Variants in KCNH1 observed in about 807,000 individuals in gnomAD.
KCNH1 encodes the protein voltage-gated delayed rectifier potassium channel KCNH1.
A neutral mutation model predicts 69.2 loss-of-function variants in KCNH1; 27 were observed. That is an observed-to-expected ratio of 0.39 (90% confidence interval 0.29 to 0.54). KCNH1 has a LOEUF of 0.54. KCNH1 is among the 20% of genes least tolerant of loss of function. The pLI is 0.68. For missense variants in KCNH1, 798 were observed against 1,261.6 expected (o/e 0.63, Z 5.57); for synonymous variants, 456 against 487.7 (o/e 0.93, Z 0.86).
rs569270242 is a variant in KCNH1 at position 210,846,124 on chromosome 1, G to C, written c.1463-41958C>G. On this transcript the variant is annotated intron_variant, in intron 7 of 10. Coordinates refer to ENST00000271751, the MANE Select transcript of KCNH1 (RefSeq NM_172362.3). Reference sequence around the variant, plus strand: ...AACATTCCATGCTCATGTGTAGGAAGAATCAATATCATGAAAATGGCCGTA... The same window carrying C: ...AACATTCCATGCTCATGTGTAGGAACAATCAATATCATGAAAATGGCCGTA... Among the ~76,000 whole-genome samples, 5 of 152,286 alleles carry C rather than the reference G, an allele frequency of 3.3e-5. No homozygotes were observed. The South Asian group carries it at 1.0e-3, about 32-fold the overall frequency.
chr1:210,898,097 A>C (rs545631198), intron 7 of KCNH1, among the ~76,000 whole-genome samples: 1 of 152,318 alleles, frequency 6.6e-6, no homozygotes, highest in South Asian at 2.1e-4. Flanking sequence ...ATTATATTGA[A>C]AAATACTCAA....
At chr1:211,130,514 T>C (rs1374873775) in intron 1 of KCNH1, among the ~76,000 whole-genome samples, 2 of 152,216 alleles carry the variant, frequency 1.3e-5, no homozygotes, top group Non-Finnish European at 2.9e-5. Flanking sequence ...TGTTTACCAC[T>C]GTATCCTCAG....
intron 3 of KCNH1, among the ~76,000 whole-genome samples, chr1:211,097,310 C>T (rs971271370): frequency 2.6e-5 from 4 of 151,164 alleles, no homozygotes; most frequent in African/African-American, 7.3e-5. Context: ...TATAAAGTTA[C>T]CAAAAGGAAA....
intron 6 of KCNH1, among the ~76,000 whole-genome samples, chr1:210,973,959 T>C (rs1451647174): frequency 6.6e-6 from 1 of 152,180 alleles, no homozygotes; most frequent in African/African-American, 2.4e-5. Flanking sequence ...GTATTTTTCT[T>C]GCCATCTATT....
At chr1:210,777,776 T>C (rs1273865561) in intron 9 of KCNH1, among the ~76,000 whole-genome samples, 1 of 152,198 alleles carries the variant, frequency 6.6e-6, no homozygotes, top group African/African-American at 2.4e-5. Flanking sequence ...CATCCATTCT[T>C]TTCCATACGG....
intron 6 of KCNH1, among the ~76,000 whole-genome samples, chr1:210,952,935 T>G (rs1013936097): frequency 6.6e-6 from 1 of 152,218 alleles, no homozygotes; most frequent in African/African-American, 2.4e-5. Context: ...AGGTTTTTAT[T>G]TGGTTGGTTA....
intron 9 of KCNH1, among the ~76,000 whole-genome samples, chr1:210,785,435 C>T (rs886601203): frequency 6.6e-6 from 1 of 150,868 alleles, no homozygotes; most frequent in African/African-American, 2.4e-5. Context: ...AGCTCTGTCA[C>T]CCAGGCTGGA....
intron 10 of KCNH1, among the ~76,000 whole-genome samples, chr1:210,767,993 T>C (rs573375443): frequency 1.3e-5 from 2 of 152,320 alleles, no homozygotes; most frequent in South Asian, 4.1e-4. Context: ...AACAGAGCCA[T>C]TCTTCACCAA....
At chr1:210,859,591 T>A (rs1574301067) in intron 7 of KCNH1, 7 of 1,514,898 alleles carry the variant, frequency 4.6e-6, no homozygotes, top group Non-Finnish European at 5.5e-6. Context: ...ACTCCCCAGT[T>A]CCTCGGTTTC....
chr1:210,845,986 C>T (rs529071485), intron 7 of KCNH1, among the ~76,000 whole-genome samples: 165 of 152,228 alleles, frequency 1.1e-3, no homozygotes, highest in African/African-American at 3.9e-3. Context: ...ACAATTGCTT[C>T]AAAGAGAATA....
At chr1:211,114,906 C>T (rs1190093705) in intron 1 of KCNH1, among the ~76,000 whole-genome samples, 1 of 152,068 alleles carries the variant, frequency 6.6e-6, no homozygotes, top group Non-Finnish European at 1.5e-5. Context: ...TGTTCATGTA[C>T]TGGAAGAATT....
intron 6 of KCNH1, among the ~76,000 whole-genome samples, chr1:210,949,174 G>T (rs1218676344): frequency 6.6e-6 from 1 of 152,082 alleles, no homozygotes; most frequent in African/African-American, 2.4e-5. Flanking sequence ...ACTCCCCAAG[G>T]ACTGCCAGAG....
rs1687404982 is a variant in KCNH1 at position 210,919,027 on chromosome 1, GTAGGACA to G, written c.1462+606_1462+612del. ...GCTACAGCTATGTTCAAATTGACAT[GTAGGACA>G]TGTAGCATGACGGCTATAGTTAATA... On this transcript the variant is annotated intron_variant, in intron 7 of 10. Coordinates refer to ENST00000271751, the MANE Select transcript of KCNH1 (RefSeq NM_172362.3). The surrounding 1 kb of genome is among the most constrained non-coding windows in gnomAD (Gnocchi z 4.2). The G allele has an allele frequency of 6.1e-5, 3 of 49,500 alleles. No homozygotes were observed. Among genetic ancestry groups the G allele is most frequent in the African/African-American group, 1.0e-4 (1 of 9,644 alleles). The allele number at this position is 49,500 out of a possible 1,614,324, so 3.1% of individuals were successfully genotyped here.
chr1:211,060,400 CAAAAAAA>C (rs60620622), intron 5 of KCNH1, among the ~76,000 whole-genome samples: 46 of 44,320 alleles, frequency 1.0e-3, no homozygotes, highest in African/African-American at 4.7e-3. Flanking sequence ...GACTCCGTCT[CAAAAAAA>C]AAAAAAAAAA....
At chr1:211,037,756 T>C (rs1689923888) in intron 5 of KCNH1, among the ~76,000 whole-genome samples, 1 of 152,074 alleles carries the variant, frequency 6.6e-6, no homozygotes, top group Admixed American at 6.5e-5. Context: ...AGCAAGACCA[T>C]ACCTTGTGAT....
At chr1:210,982,117 T>C (rs984457661) in intron 6 of KCNH1, among the ~76,000 whole-genome samples, 6 of 152,080 alleles carry the variant, frequency 3.9e-5, no homozygotes, top group Non-Finnish European at 8.8e-5. Flanking sequence ...AAAAAGTCAA[T>C]TGCTCCTGAC....
chr1:210,869,500 TG>T (rs1686190196), intron 7 of KCNH1, among the ~76,000 whole-genome samples: 1 of 143,574 alleles, frequency 7.0e-6, no homozygotes, highest in African/African-American at 2.9e-5. Context: ...TGTGTGTGTG[TG>T]TGTGTGTGTG....
intron 5 of KCNH1, among the ~76,000 whole-genome samples, chr1:211,037,514 T>A (rs1419464438): frequency 1.6e-5 from 2 of 123,300 alleles, no homozygotes; most frequent in African/African-American, 6.3e-5. Context: ...TTTTTTTTTT[T>A]ACTGTACACA....
At position 211,088,571 on chromosome 1, in the gene KCNH1, G is replaced by C. The variant is rs1035260083; in HGVS notation, c.439+1991C>G. Among the ~76,000 whole-genome samples, 6 of 152,356 alleles carry C rather than the reference G, an allele frequency of 3.9e-5. No individual in the cohort carries two copies. The East Asian group carries it at 1.2e-3, about 29-fold the overall frequency. ...GGCCAGGGGCATGATGACATGGCAA[G>C]TGGGAAGGTTTGAACATATCTGCCA... On this transcript the variant is annotated intron_variant, in intron 4 of 10. Transcript: ENST00000271751.
Sources: gnomAD v4.1 joint callset for allele counts (sites outside exome capture counted in the v4.1 genomes callset) on GRCh38, gnomAD v4.1.1 for gene constraint, Gnocchi (gnomAD v3.1) non-coding constraint, MANE v1.5 for transcripts, NCBI Gene and HGNC (gene_info 2026-07-23, HGNC 2026-07-21) for gene names.